PHACTR1: variants seen among roughly 807,000 people sequenced by gnomAD.
PHACTR1 encodes the protein phosphatase and actin regulator 1, also known as RPEL repeat containing 1.
PHACTR1 carries 16 observed loss-of-function variants against 69.2 expected under a neutral mutation model. The observed-to-expected ratio is 0.23, with a 90% CI of 0.16 to 0.35. PHACTR1 has a LOEUF of 0.35. PHACTR1 is among the 10% of genes least tolerant of loss of function. The probability of loss-of-function intolerance (pLI) is 1.00; values close to 1 mark genes in which losing one functional copy is unlikely to be tolerated. For missense variants in PHACTR1, 510 were observed against 734.7 expected (o/e 0.69, Z 3.54); for synonymous variants, 312 against 284.5 (o/e 1.10, Z -0.97).
chr6:13,164,960 T>TA lies in PHACTR1; in HGVS notation c.496+4676_496+4677insA, dbSNP rs921222500. Among the ~76,000 whole-genome samples the TA allele has an allele frequency of 1.2e-3, 188 of 151,920 alleles. 1 individual carries two copies. Among genetic ancestry groups the TA allele is most frequent in the South Asian group, 6.0e-3 (29 of 4,810 alleles). ...GCATAGTTATTCAACAGCTTTTTTT[T>TA]TTATTATTGGCTTCCATATTGAATC... On this transcript the variant is annotated intron_variant, in intron 6 of 14. Transcript: ENST00000332995.
At chr6:12,974,330 C>T (rs1022749988) in intron 4 of PHACTR1, among the ~76,000 whole-genome samples, 1 of 152,194 alleles carries the variant, frequency 6.6e-6, no homozygotes, top group African/African-American at 2.4e-5. Context: ...CCTTCACATA[C>T]TGTATCATCC....
At chr6:13,086,792 T>G (rs1307666248) in intron 5 of PHACTR1, among the ~76,000 whole-genome samples, 2 of 152,138 alleles carry the variant, frequency 1.3e-5, no homozygotes, top group Admixed American at 6.5e-5. Flanking sequence ...GGTAAATAAC[T>G]AAGAGTAAGA....
chr6:12,940,553 C>G (rs995987956), intron 4 of PHACTR1, among the ~76,000 whole-genome samples: 1 of 152,194 alleles, frequency 6.6e-6, no homozygotes, highest in Non-Finnish European at 1.5e-5. Flanking sequence ...AAAGCCTTGA[C>G]TTTAAGGAGG....
intron 4 of PHACTR1, among the ~76,000 whole-genome samples, chr6:12,762,369 C>T (rs1768115349): frequency 6.6e-6 from 1 of 152,166 alleles, no homozygotes; most frequent in Non-Finnish European, 1.5e-5. Flanking sequence ...GTCACTGCTT[C>T]TCTGTTATCC....
intron 6 of PHACTR1, among the ~76,000 whole-genome samples, chr6:13,164,345 C>T (rs754602835): frequency 6.2e-4 from 94 of 152,278 alleles, no homozygotes; most frequent in Admixed American, 2.0e-3. Context: ...CTCATAGATT[C>T]GGAGCAATCA....
intron 4 of PHACTR1, among the ~76,000 whole-genome samples, chr6:12,781,412 A>G (rs573187627): frequency 1.3e-5 from 2 of 152,348 alleles, no homozygotes; most frequent in East Asian, 3.9e-4. Context: ...GCCATTTTCA[A>G]ATCAGTGCCT....
chr6:13,072,002 T>C (rs573139750), intron 5 of PHACTR1, among the ~76,000 whole-genome samples: 1 of 152,346 alleles, frequency 6.6e-6, no homozygotes, highest in African/African-American at 2.4e-5. Flanking sequence ...AAAAAAAGGT[T>C]ATACAATTTA....
At chr6:13,020,810 C>T (rs1209240813) in intron 4 of PHACTR1, among the ~76,000 whole-genome samples, 4 of 151,994 alleles carry the variant, frequency 2.6e-5, no homozygotes, top group Admixed American at 6.6e-5. Context: ...TGGATCTAGT[C>T]GATGAATGTG....
chr6:13,071,317 A>G (rs1409301077), intron 5 of PHACTR1, among the ~76,000 whole-genome samples: 1 of 152,124 alleles, frequency 6.6e-6, no homozygotes, highest in East Asian at 1.9e-4. Context: ...AATCCCAGCT[A>G]CATGGGAGGC....
At chr6:12,947,770 C>T (rs941770688) in intron 4 of PHACTR1, among the ~76,000 whole-genome samples, 1 of 152,074 alleles carries the variant, frequency 6.6e-6, no homozygotes, top group African/African-American at 2.4e-5. Context: ...AATTTAAATA[C>T]GTAGTAAGTG....
chr6:13,083,348 C>G (rs1452586965), intron 5 of PHACTR1, among the ~76,000 whole-genome samples: 1 of 152,110 alleles, frequency 6.6e-6, no homozygotes, highest in East Asian at 1.9e-4. Flanking sequence ...GTTACTGTAG[C>G]CTTGTAGTAT....
At chr6:12,812,056 T>C (rs185784459) in intron 4 of PHACTR1, among the ~76,000 whole-genome samples, 71 of 152,324 alleles carry the variant, frequency 4.7e-4, no homozygotes, top group African/African-American at 1.7e-3. Context: ...CAATAGCATT[T>C]TGTCCATTCA....
chr6:12,917,745 C>T (rs962418843), intron 4 of PHACTR1, among the ~76,000 whole-genome samples: 1 of 151,936 alleles, frequency 6.6e-6, no homozygotes, highest in Non-Finnish European at 1.5e-5. Flanking sequence ...ACAGCAAGAC[C>T]CCATCCATAA....
At chr6:12,837,320 T>C (rs1778264379) in intron 4 of PHACTR1, among the ~76,000 whole-genome samples, 1 of 152,230 alleles carries the variant, frequency 6.6e-6, no homozygotes, top group Non-Finnish European at 1.5e-5. Flanking sequence ...TTATATACTT[T>C]TAAAATTACT....
chr6:13,134,232 G>A (rs954364305), intron 5 of PHACTR1, among the ~76,000 whole-genome samples: 10 of 143,264 alleles, frequency 7.0e-5, no homozygotes, highest in East Asian at 2.2e-4. Context: ...CCCGCCAGCC[G>A]CCCTGTCCGG....
intron 10 of PHACTR1, among the ~76,000 whole-genome samples, chr6:13,257,335 T>A (rs941308395): frequency 9.2e-5 from 14 of 152,122 alleles, no homozygotes; most frequent in African/African-American, 3.1e-4. Flanking sequence ...AGGCTGCACC[T>A]CCAACACTGG....
chr6:13,154,423 G>A (rs1757880808), intron 5 of PHACTR1, among the ~76,000 whole-genome samples: 1 of 152,134 alleles, frequency 6.6e-6, no homozygotes, highest in South Asian at 2.1e-4. Context: ...CTCCCAAAGT[G>A]CTGAGATTAT....
chr6:13,247,362 T>TGTGC (rs1175030190), intron 10 of PHACTR1, among the ~76,000 whole-genome samples: 1 of 151,440 alleles, frequency 6.6e-6, no homozygotes, highest in Non-Finnish European at 1.5e-5. Context: ...TGTGTGTGTG[T>TGTGC]GTGACGGAGT....
rs768166888 is a variant in PHACTR1, at chr6:13,246,393, C to T, written c.1391+16200C>T. Among the ~76,000 whole-genome samples the T allele has an allele frequency of 1.3e-5, 2 of 152,140 alleles. No homozygotes were observed. Among genetic ancestry groups the T allele is most frequent in the Non-Finnish European group, 2.9e-5 (2 of 68,022 alleles). On this transcript the variant is annotated intron_variant, in intron 10 of 14. Transcript: ENST00000332995. This position sits in a 1 kb window ranked among gnomAD's most constrained non-coding sequence, Gnocchi z 4.2. ...AGAACACTGAAATTAAATGTGCGAGCGAAAGATGTTTCCCTACCTGGATGG... is the reference window on the plus strand; with the variant it reads ...AGAACACTGAAATTAAATGTGCGAGTGAAAGATGTTTCCCTACCTGGATGG...
Sources: gnomAD v4.1 joint callset for allele counts (sites outside exome capture counted in the v4.1 genomes callset) on GRCh38, gnomAD v4.1.1 for gene constraint, Gnocchi (gnomAD v3.1) non-coding constraint, MANE v1.5 for transcripts, NCBI Gene and HGNC (gene_info 2026-07-23, HGNC 2026-07-21) for gene names.